The following DNAH9 variants were observed in gnomAD, a reference collection of about 807,000 sequenced individuals.
DNAH9 encodes the protein DNAH9 variant protein.
Under a neutral mutation model 471.6 loss-of-function variants are expected in DNAH9, and 345 were observed. The ratio of observed to expected loss-of-function variants is 0.73; its 90% CI spans 0.67 to 0.80. The LOEUF is 0.80. DNAH9 is among the 30% of genes least tolerant of loss of function. DNAH9 has a pLI of 0.00. For synonymous variants in DNAH9, 2,093 were observed against 2,123.6 expected, an observed-to-expected ratio of 0.99 and a Z score of 0.40; for missense variants, 5,407 against 5,609.2, an observed-to-expected ratio of 0.96 and a Z score of 1.15.
intron 11 of DNAH9, among the ~76,000 whole-genome samples, 153 bp downstream of exon 11, chr17:11,644,852 G>T (rs934049005): frequency 2.6e-5 from 4 of 151,646 alleles, no homozygotes; most frequent in African/African-American, 9.8e-5. Flanking sequence ...CAGTATTTCC[G>T]GGTTGCACAC....
chr17:11,808,006 G>A lies in DNAH9; in HGVS notation c.8583+112G>A, dbSNP rs148848501. On this transcript the variant is annotated intron_variant, in intron 44 of 68. Coordinates refer to ENST00000262442, the MANE Select transcript of DNAH9 (RefSeq NM_001372.4). Reference sequence around the variant, plus strand: ...CCCTGTCTGGAGCCTCCCCTTCAATGTCTGTCCATTTCTGTCTTAGGTTCT... The same window carrying A: ...CCCTGTCTGGAGCCTCCCCTTCAATATCTGTCCATTTCTGTCTTAGGTTCT... 7.6e-4 allele frequency: 937 copies of A among 1,239,398 alleles called. 9 individuals are homozygous for A. The African/African-American group carries it at 0.012, about 16-fold the overall frequency. 76.8% of individuals were successfully genotyped at this position (1,239,398 alleles called of 1,614,324 possible). A position where few individuals can be genotyped will look rare whatever the true frequency, so the allele number is the denominator to read the frequency against.
At chr17:11,822,203 A>G (rs1318138160) in intron 46 of DNAH9, 141 bp downstream of exon 46, 1 of 1,087,766 alleles carries the variant, frequency 9.2e-7, no homozygotes, top group East Asian at 2.5e-5. Flanking sequence ...GCCTGAGCAC[A>G]GTTGCCAGGA....
intron 29 of DNAH9, among the ~76,000 whole-genome samples, chr17:11,739,644 C>T (rs1290045502): frequency 4.6e-5 from 7 of 152,212 alleles, no homozygotes; most frequent in South Asian, 2.1e-4. Flanking sequence ...TTACACTCCT[C>T]GTAGCGACGC....
At chr17:11,952,064 T>C (rs1331954430) in intron 67 of DNAH9, among the ~76,000 whole-genome samples, 2 of 151,954 alleles carry the variant, frequency 1.3e-5, no homozygotes, top group Non-Finnish European at 2.9e-5. Context: ...TGGATGATGG[T>C]ATTTTAGGCA....
At chr17:11,945,281 A>T (rs879686747) in intron 67 of DNAH9, among the ~76,000 whole-genome samples, 2 of 152,168 alleles carry the variant, frequency 1.3e-5, no homozygotes, top group Non-Finnish European at 2.9e-5. Flanking sequence ...TCATGCCTGT[A>T]ATCCCAGCTC....
rs190974242 is a variant in DNAH9 at position 11,788,365 on chromosome 17, C to A, written c.8061+3826C>A. ...TAAACTTTTATCAAAGTGTAACATA[C>A]AAGTAGAAATACACAAAAGCCACAA... On this transcript the variant is annotated intron_variant, in intron 41 of 68. Coordinates refer to ENST00000262442, the MANE Select transcript of DNAH9 (RefSeq NM_001372.4). 1.6e-4 allele frequency among the ~76,000 whole-genome samples: 25 copies of A among 152,238 alleles called. 2 individuals are homozygous for A. Among genetic ancestry groups the A allele is most frequent in the African/African-American group, 6.0e-4 (25 of 41,566 alleles).
Position 11,894,573 on chromosome 17 carries a change from A to G in DNAH9, c.11406+77A>G. The G allele has an allele frequency of 3.2e-6, 5 of 1,566,454 alleles. No homozygotes were observed. The South Asian group carries it at 5.7e-5, about 18-fold the overall frequency. ...CTCTGACACTGGTCCCCATGAAGTC[A>G]GCAGGGCTCTCTGTTGGAGTTCAAG... On this transcript the variant is annotated intron_variant, in intron 59 of 68. Transcript: ENST00000262442.
chr17:11,922,609 C>A (rs1317312559), intron 61 of DNAH9, among the ~76,000 whole-genome samples: 1 of 152,220 alleles, frequency 6.6e-6, no homozygotes, highest in African/African-American at 2.4e-5. Context: ...CCATCTGCAA[C>A]ACCAGCAACC....
intron 44 of DNAH9, among the ~76,000 whole-genome samples, chr17:11,808,911 C>T (rs1366776183): frequency 1.3e-5 from 2 of 152,012 alleles, no homozygotes; most frequent in Non-Finnish European, 2.9e-5. Context: ...TTAGAGGATG[C>T]GATGAGAACC....
At chr17:11,843,863 G>GTGTATATA (rs1253794533) in intron 49 of DNAH9, among the ~76,000 whole-genome samples, 9 of 46,466 alleles carry the variant, frequency 1.9e-4, no homozygotes, top group African/African-American at 6.5e-4. Flanking sequence ...GTGTGTGTGT[G>GTGTATATA]TATATATATA....
At chr17:11,715,255 C>T (rs1286263866) in intron 26 of DNAH9, among the ~76,000 whole-genome samples, 3 of 152,166 alleles carry the variant, frequency 2.0e-5, no homozygotes, top group African/African-American at 4.8e-5. Flanking sequence ...CAAAGTCTGT[C>T]GGTTTCCTAC....
intron 3 of DNAH9, 121 bp from the exon 4 acceptor site, chr17:11,611,529 C>T (rs2072636466): frequency 9.8e-7 from 1 of 1,017,452 alleles, no homozygotes; most frequent in Non-Finnish European, 1.5e-6. Context: ...GGCTGGAGCA[C>T]AGCCTCTGTG....
intron 68 of DNAH9, among the ~76,000 whole-genome samples, chr17:11,968,989 C>T (rs1002946542): frequency 1.3e-5 from 2 of 152,072 alleles, no homozygotes; most frequent in African/African-American, 4.8e-5. Flanking sequence ...TATACACATT[C>T]GATATGCTCA....
chr17:11,680,896 G>A lies in DNAH9; in HGVS notation c.3743+7G>A. The A allele has an allele frequency of 6.2e-7, 1 of 1,602,702 alleles. No homozygotes were observed. The highest frequency in any genetic ancestry group is 8.5e-7 in the Non-Finnish European group (1 of 1,174,204). On this transcript the variant is annotated splice_region_variant and intron_variant, in intron 19 of 68. Coordinates refer to ENST00000262442, the MANE Select transcript of DNAH9 (RefSeq NM_001372.4). The stretch of plus-strand genomic sequence containing the variant: ...ACAAAGAAGCCCCGTTCAGGTATGG[G>A]CCGAACACTGCTGCCTCTCTTTCTG...
At chr17:11,775,887 G>C (rs111904924) in intron 38 of DNAH9, among the ~76,000 whole-genome samples, 11 of 151,970 alleles carry the variant, frequency 7.2e-5, no homozygotes, top group African/African-American at 9.7e-5. Flanking sequence ...CCACCGCGCC[G>C]GGCCAATCAG....
rs933688119 is a variant in DNAH9, at chr17:11,737,337, TC to T, written c.5815-1540del. On this transcript the variant is annotated intron_variant, in intron 28 of 68. Coordinates refer to ENST00000262442, the MANE Select transcript of DNAH9 (RefSeq NM_001372.4). ...GGTCCAGCTGCCCCCCACCCACCCC[TC>T]CCACCGTTTCACACACACAACCCTA... is the stretch of plus-strand genomic sequence containing the variant. Among the ~76,000 whole-genome samples, 4 of 54,718 alleles carry T rather than the reference TC, an allele frequency of 7.3e-5. No individual in the cohort carries two copies. In the Admixed American group the frequency reaches 7.9e-4, roughly 11 times the overall value. The allele number at this position is 54,718 out of a possible 152,430, so 35.9% of individuals were successfully genotyped here. A position where few individuals can be genotyped will look rare whatever the true frequency, so the allele number is the denominator to read the frequency against.
intron 61 of DNAH9, among the ~76,000 whole-genome samples, chr17:11,919,505 G>A (rs11408040): frequency 0.038 from 3,787 of 99,090 alleles, 8 homozygotes; most frequent in African/African-American, 0.045. Flanking sequence ...AAAAAAAAAA[G>A]AAAAAAAAAA....
chr17:11,805,799 C>G (rs144746502), intron 43 of DNAH9, among the ~76,000 whole-genome samples: 1 of 151,978 alleles, frequency 6.6e-6, no homozygotes, highest in South Asian at 2.1e-4. Context: ...GTGATCCCCC[C>G]ACCTTGGCTT....
intron 12 of DNAH9, among the ~76,000 whole-genome samples, chr17:11,648,875 C>T (rs1341897568): frequency 2.6e-5 from 4 of 152,084 alleles, no homozygotes; most frequent in Non-Finnish European, 4.4e-5. Flanking sequence ...CCTATAATCC[C>T]AGGACTTTGG....
Sources: gnomAD v4.1 joint callset for allele counts (sites outside exome capture counted in the v4.1 genomes callset) on GRCh38, gnomAD v4.1.1 for gene constraint, MANE v1.5 for transcripts, NCBI Gene and HGNC (gene_info 2026-07-23, HGNC 2026-07-21) for gene names.